The following SLC24A3 variants were observed in gnomAD, a reference collection of about 807,000 sequenced individuals.
The protein encoded by SLC24A3 is solute carrier family 24 member 3, also known as sodium/potassium/calcium exchanger 3.
Under a neutral mutation model 75.8 loss-of-function variants are expected in SLC24A3, and 28 were observed. That is an observed-to-expected ratio of 0.37 (90% CI 0.27 to 0.51). The LOEUF is 0.51. SLC24A3 is among the 20% of genes least tolerant of loss of function. SLC24A3 has a pLI of 0.94. For missense variants in SLC24A3, 663 were observed against 847.8 expected (o/e 0.78, Z 2.71); for synonymous variants, 372 against 334.1 (o/e 1.11, Z -1.24).
chr20:19,667,420 G>A (rs1001322078), intron 8 of SLC24A3, among the ~76,000 whole-genome samples: 15 of 152,180 alleles, frequency 9.9e-5, no homozygotes, highest in Admixed American at 3.3e-4. Flanking sequence ...TGTCCTTGGG[G>A]ATAAAGTGCA....
At chr20:19,270,920 G>A (rs917361427) in intron 1 of SLC24A3, among the ~76,000 whole-genome samples, 1 of 152,134 alleles carries the variant, frequency 6.6e-6, no homozygotes, top group East Asian at 1.9e-4. Context: ...TGAAACCTGG[G>A]GAAAGACATC....
intron 1 of SLC24A3, among the ~76,000 whole-genome samples, chr20:19,228,886 A>T (rs1303786809): frequency 6.6e-6 from 1 of 152,148 alleles, no homozygotes; most frequent in South Asian, 2.1e-4. Context: ...CTCCTTTGCC[A>T]GGTTTTGGTG....
At chr20:19,570,948 A>G (rs1049223503) in intron 3 of SLC24A3, among the ~76,000 whole-genome samples, 6 of 152,090 alleles carry the variant, frequency 3.9e-5, no homozygotes, top group African/African-American at 1.4e-4. Context: ...CAGTCTTAAG[A>G]GAGGTCTCCA....
chr20:19,510,562 G>C (rs1270901748), intron 2 of SLC24A3, among the ~76,000 whole-genome samples: 1 of 152,202 alleles, frequency 6.6e-6, no homozygotes, highest in Non-Finnish European at 1.5e-5. Context: ...CCCCCAAAAT[G>C]ATGGTATTTG....
intron 15 of SLC24A3, among the ~76,000 whole-genome samples, chr20:19,711,321 A>C (rs906134416): frequency 5.3e-5 from 8 of 151,352 alleles, no homozygotes; most frequent in Non-Finnish European, 1.5e-5. Flanking sequence ...ACAAACGCAC[A>C]CACATGCATG....
rs1442272198 is a variant in SLC24A3 at position 19,260,610 on chromosome 20, T to G, written c.143-20349T>G. On this transcript the variant is annotated intron_variant, in intron 1 of 16. Transcript: ENST00000328041. ...AAGAACTCGAGATACAATTTCTCAG[T>G]TCACAACATGTGCATCCTCTGCATG... is the stretch of plus-strand genomic sequence containing the variant. 2.6e-5 allele frequency among the ~76,000 whole-genome samples: 4 copies of G among 152,358 alleles called. No individual in the cohort carries two copies. In the East Asian group the frequency reaches 7.7e-4, roughly 29 times the overall value.
chr20:19,573,350 A>G (rs1379068288), intron 3 of SLC24A3, among the ~76,000 whole-genome samples: 2 of 152,170 alleles, frequency 1.3e-5, no homozygotes, highest in African/African-American at 4.8e-5. Context: ...CTTTAGTTTT[A>G]TTAGTCTCAA....
At chr20:19,626,671 A>G (rs2031869980) in intron 6 of SLC24A3, among the ~76,000 whole-genome samples, 1 of 152,164 alleles carries the variant, frequency 6.6e-6, no homozygotes, top group Non-Finnish European at 1.5e-5. Context: ...CACAGCCTGA[A>G]AAATATAAAA....
intron 2 of SLC24A3, among the ~76,000 whole-genome samples, chr20:19,290,803 G>T (rs6045962): frequency 0.04 from 6,095 of 152,174 alleles, 411 homozygotes; most frequent in African/African-American, 0.14. Context: ...GCAAACAGAT[G>T]AATAAAGGGA....
At chr20:19,615,743 G>A (rs949820501) in intron 6 of SLC24A3, among the ~76,000 whole-genome samples, 1 of 152,134 alleles carries the variant, frequency 6.6e-6, no homozygotes, top group Middle Eastern at 3.2e-3. Flanking sequence ...TCCCACACTG[G>A]ACCCTTGCTT....
chr20:19,325,836 AGAGG>A (rs1347419561), intron 2 of SLC24A3, among the ~76,000 whole-genome samples: 2,856 of 78,238 alleles, frequency 0.037, 267 homozygotes, highest in Non-Finnish European at 0.042. Context: ...AGAGAGAGAG[AGAGG>A]GAGACATCTG....
rs377738668 is a variant in SLC24A3 at position 19,377,205 on chromosome 20, G to A, written c.271+96118G>A. Among the ~76,000 whole-genome samples the A allele has an allele frequency of 2.6e-5, 4 of 152,280 alleles. No individual in the cohort carries two copies. The South Asian group carries it at 6.2e-4, about 24-fold the overall frequency. On this transcript the variant is annotated intron_variant, in intron 2 of 16. Coordinates refer to ENST00000328041, the MANE Select transcript of SLC24A3 (RefSeq NM_020689.4). ...CTTTGATCCACATGAAAATTTGAACGTTGGAGTGTGTCACTTCCAATTTAG... is the reference window on the plus strand; with the variant it reads ...CTTTGATCCACATGAAAATTTGAACATTGGAGTGTGTCACTTCCAATTTAG...
chr20:19,440,417 G>A (rs1987277857), intron 2 of SLC24A3, among the ~76,000 whole-genome samples: 1 of 152,216 alleles, frequency 6.6e-6, no homozygotes, highest in South Asian at 2.1e-4. Flanking sequence ...ACTGTAGTAA[G>A]TGCCTTAAAA....
At chr20:19,358,702 G>A (rs1047588980) in intron 2 of SLC24A3, among the ~76,000 whole-genome samples, 16 of 152,124 alleles carry the variant, frequency 1.1e-4, no homozygotes, top group African/African-American at 1.9e-4. Flanking sequence ...GTACATTCAC[G>A]TTGCTGTACA....
At chr20:19,410,807 C>T (rs921062975) in intron 2 of SLC24A3, among the ~76,000 whole-genome samples, 5 of 152,290 alleles carry the variant, frequency 3.3e-5, no homozygotes, top group African/African-American at 4.8e-5. Flanking sequence ...CCAATTCATT[C>T]GTTTTCTCTA....
intron 2 of SLC24A3, among the ~76,000 whole-genome samples, chr20:19,497,079 G>A (rs529086370): frequency 6.6e-6 from 1 of 152,230 alleles, no homozygotes; most frequent in South Asian, 2.1e-4. Flanking sequence ...CCCCATGGCC[G>A]TAAAATGTGC....
intron 6 of SLC24A3, among the ~76,000 whole-genome samples, chr20:19,611,539 CT>C (rs1355480061): frequency 6.6e-6 from 1 of 152,214 alleles, no homozygotes; most frequent in Non-Finnish European, 1.5e-5. Context: ...GCAGCAGAGC[CT>C]TTGGCCAAGT....
chr20:19,592,799 T>TC (rs1414573238), intron 6 of SLC24A3, among the ~76,000 whole-genome samples: 1 of 145,740 alleles, frequency 6.9e-6, no homozygotes, highest in African/African-American at 2.5e-5. Context: ...CTTTCTTTCT[T>TC]TTTTTTTTTT....
At chr20:19,441,695 A>G (rs1987301841) in intron 2 of SLC24A3, among the ~76,000 whole-genome samples, 1 of 152,268 alleles carries the variant, frequency 6.6e-6, no homozygotes, top group South Asian at 2.1e-4. Context: ...ACTCAACTTT[A>G]TAGTTCATAT....
Sources: allele counts gnomAD v4.1 joint callset (sites outside exome capture counted in the v4.1 genomes callset), GRCh38; gene constraint gnomAD v4.1.1; transcripts MANE v1.5; gene names NCBI Gene and HGNC (gene_info 2026-07-23, HGNC 2026-07-21).